The following MAP2K1 variants were observed in gnomAD, a reference collection of about 807,000 sequenced individuals.
The protein encoded by MAP2K1 is dual specificity mitogen-activated protein kinase kinase 1.
In MAP2K1, 16 loss-of-function variants were observed where a neutral mutation model predicts 46.3. The observed-to-expected ratio is 0.35, with a 90% CI of 0.23 to 0.52. The LOEUF (loss-of-function observed/expected upper bound fraction) is 0.52. MAP2K1 is among the 20% of genes least tolerant of loss of function. The probability of loss-of-function intolerance (pLI) is 0.94; values close to 1 mark genes in which losing one functional copy is unlikely to be tolerated. For missense variants in MAP2K1, 263 were observed against 497.1 expected (o/e 0.53, Z 4.48); for synonymous variants, 183 against 185.6 (o/e 0.99, Z 0.11).
At chr15:66,410,684 G>A (rs1415838833) in intron 1 of MAP2K1, among the ~76,000 whole-genome samples, 3 of 152,128 alleles carry the variant, frequency 2.0e-5, no homozygotes, top group African/African-American at 2.4e-5. Flanking sequence ...TGAATTTGGG[G>A]AGCCTTGGAA....
At chr15:66,429,673 C>T (rs994499831) in intron 1 of MAP2K1, among the ~76,000 whole-genome samples, 3 of 37,478 alleles carry the variant, frequency 8.0e-5, no homozygotes, top group Non-Finnish European at 1.9e-4. Flanking sequence ...CGCCCCCCCC[C>T]CCCCCGTCCC....
chr15:66,420,963 A>G (rs1361672359), intron 1 of MAP2K1, among the ~76,000 whole-genome samples: 1 of 23,296 alleles, frequency 4.3e-5, no homozygotes, highest in Non-Finnish European at 1.6e-4. Context: ...ACATACATAT[A>G]TACACACACA....
At chr15:66,489,351 C>T (rs1188704343) in intron 9 of MAP2K1, 75 bp downstream of exon 9, 13 of 1,354,330 alleles carry the variant, frequency 9.6e-6, no homozygotes, top group Non-Finnish European at 1.4e-5. Context: ...CTGGAAGCAC[C>T]AGCATTGCTT....
chr15:66,396,804 C>A (rs1165982375), intron 1 of MAP2K1, among the ~76,000 whole-genome samples: 6 of 151,430 alleles, frequency 4.0e-5, no homozygotes, highest in Admixed American at 4.0e-4. Context: ...CCTGCCTCAG[C>A]CTCCCAAGTA....
chr15:66,389,730 G>A (rs1408432103), intron 1 of MAP2K1, among the ~76,000 whole-genome samples: 2 of 151,858 alleles, frequency 1.3e-5, no homozygotes, highest in Non-Finnish European at 2.9e-5. Context: ...ACGTGCAACC[G>A]TGCCTGGCTA....
At chr15:66,440,208 C>T (rs2093500056) in intron 3 of MAP2K1, among the ~76,000 whole-genome samples, 1 of 152,150 alleles carries the variant, frequency 6.6e-6, no homozygotes, top group Non-Finnish European at 1.5e-5. Context: ...CTTCCCACCT[C>T]AGCCTCCTGA....
intron 1 of MAP2K1, among the ~76,000 whole-genome samples, chr15:66,423,653 G>C (rs1463417350): frequency 6.9e-6 from 1 of 144,440 alleles, no homozygotes; most frequent in Non-Finnish European, 1.5e-5. Flanking sequence ...TGTTGACCAG[G>C]CTGGAGTGCA....
At chr15:66,420,763 GTGTGTATATATATGTGTA>G (rs2093437231) in intron 1 of MAP2K1, among the ~76,000 whole-genome samples, 8 of 43,650 alleles carry the variant, frequency 1.8e-4, no homozygotes, top group Admixed American at 2.8e-4. Flanking sequence ...GTGTGTGTAT[GTGTGTATATATATGTGTA>G]TATATATGTG....
At chr15:66,487,202 A>G in intron 7 of MAP2K1, 26 bp from the exon 8 acceptor site, 3 of 1,605,004 alleles carry the variant, frequency 1.9e-6, no homozygotes, top group Admixed American at 1.7e-5. Flanking sequence ...TCTGAGAAGT[A>G]TTTTTTCTTT....
intron 4 of MAP2K1, among the ~76,000 whole-genome samples, chr15:66,444,285 G>A (rs967657470): frequency 7.3e-5 from 11 of 150,342 alleles, no homozygotes; most frequent in African/African-American, 2.7e-4. Flanking sequence ...TGTAATCCCA[G>A]CACTTTGGGA....
chr15:66,392,644 C>G (rs1595835015), intron 1 of MAP2K1, among the ~76,000 whole-genome samples: 1 of 151,766 alleles, frequency 6.6e-6, no homozygotes, highest in Non-Finnish European at 1.5e-5. Context: ...ACCTCCGCCC[C>G]CCAGGTTCAA....
intron 5 of MAP2K1, 189 bp downstream of exon 5, chr15:66,444,896 C>A: frequency 1.7e-6 from 1 of 597,282 alleles, no homozygotes; most frequent in Non-Finnish European, 3.0e-6. Flanking sequence ...GGTCTTGCTA[C>A]ACCTATTGCC....
At chr15:66,475,396 C>G (rs767862744) in intron 5 of MAP2K1, among the ~76,000 whole-genome samples, 2 of 152,092 alleles carry the variant, frequency 1.3e-5, no homozygotes, top group Admixed American at 6.5e-5. Flanking sequence ...TGGATTCAGC[C>G]TTTGTCACAG....
At chr15:66,418,139 C>A (rs545251693) in intron 1 of MAP2K1, among the ~76,000 whole-genome samples, 2 of 152,124 alleles carry the variant, frequency 1.3e-5, no homozygotes, top group East Asian at 3.9e-4. Context: ...TTAAATACCC[C>A]CTAGAGGATT....
At chr15:66,465,849 A>AT (rs1046020344) in intron 5 of MAP2K1, among the ~76,000 whole-genome samples, 2 of 152,200 alleles carry the variant, frequency 1.3e-5, no homozygotes, top group Admixed American at 1.3e-4. Context: ...AAGAATAATT[A>AT]TTTTTCACAT....
chr15:66,478,926 A>G (rs1892847993), intron 5 of MAP2K1, among the ~76,000 whole-genome samples: 1 of 152,162 alleles, frequency 6.6e-6, no homozygotes, highest in Non-Finnish European at 1.5e-5. Context: ...GCCCACAGGT[A>G]AGGTAGCAGG....
intron 5 of MAP2K1, among the ~76,000 whole-genome samples, chr15:66,465,556 GATTTC>G (rs1892441997): frequency 6.6e-6 from 1 of 152,168 alleles, no homozygotes; most frequent in Non-Finnish European, 1.5e-5. Context: ...TCTGCTTGTA[GATTTC>G]ATTTCCGCCT....
chr15:66,434,265 T>C (rs951879673), intron 1 of MAP2K1, among the ~76,000 whole-genome samples: 4 of 152,186 alleles, frequency 2.6e-5, no homozygotes, highest in African/African-American at 9.7e-5. Context: ...GAATTTTATA[T>C]TGTGATTACT....
At chr15:66,456,639 G>T (rs1337205387) in intron 5 of MAP2K1, among the ~76,000 whole-genome samples, 1 of 152,220 alleles carries the variant, frequency 6.6e-6, no homozygotes. Flanking sequence ...CCAGCATCCA[G>T]ATCAGTGTTT....
Sources: gnomAD v4.1 joint callset for allele counts (sites outside exome capture counted in the v4.1 genomes callset) on GRCh38, gnomAD v4.1.1 for gene constraint, MANE v1.5 for transcripts, NCBI Gene and HGNC (gene_info 2026-07-23, HGNC 2026-07-21) for gene names.